Variants in SORL1 observed in about 807,000 individuals in gnomAD.
SORL1 encodes sortilin related receptor 1, also known as sortilin-related receptor.
A neutral mutation model predicts 273.7 loss-of-function variants in SORL1; 127 were observed. The observed-to-expected ratio is 0.46, with a 90% CI of 0.40 to 0.54. The LOEUF is 0.54. SORL1 is among the 20% of genes least tolerant of loss of function. The pLI is 0.00. For synonymous variants in SORL1, 1,031 were observed against 1,067.4 expected (o/e 0.97, Z 0.66); for missense variants, 2,494 against 2,846.1 (o/e 0.88, Z 2.81).
intron 3 of SORL1, 54 bp from the exon 4 acceptor site, chr11:121,487,978 T>C: frequency 3.8e-6 from 6 of 1,592,056 alleles, no homozygotes; most frequent in South Asian, 1.1e-5. Context: ...TTTAGGGGAG[T>C]GTTGGGCAGC....
chr11:121,543,997 T>C (rs1862386522), intron 13 of SORL1, among the ~76,000 whole-genome samples: 1 of 152,178 alleles, frequency 6.6e-6, no homozygotes. Context: ...AATATGTAGA[T>C]AAATGCATGA....
At chr11:121,555,360 G>T (rs768993348) in intron 18 of SORL1, 42 bp downstream of exon 18, 1 of 1,606,236 alleles carries the variant, frequency 6.2e-7, no homozygotes, top group South Asian at 1.1e-5. Context: ...GGGAGCAGGC[G>T]GGGCACCTGG....
chr11:121,600,507 A>T (rs1250067459), intron 32 of SORL1, among the ~76,000 whole-genome samples: 2 of 152,216 alleles, frequency 1.3e-5, no homozygotes, highest in African/African-American at 4.8e-5. Context: ...GCAACCACAT[A>T]ATAAGATGAA....
intron 39 of SORL1, 38 bp from the exon 40 acceptor site, chr11:121,612,698 C>T: frequency 6.9e-7 from 1 of 1,456,440 alleles, no homozygotes; most frequent in Non-Finnish European, 9.6e-7. Flanking sequence ...TGCCCCATGA[C>T]TAGCTGTTCA....
intron 5 of SORL1, among the ~76,000 whole-genome samples, chr11:121,490,830 A>G (rs115177221): frequency 6.6e-6 from 1 of 152,146 alleles, no homozygotes; most frequent in Non-Finnish European, 1.5e-5. Flanking sequence ...TCTTAAGGGT[A>G]TAAGAAATTG....
chr11:121,601,681 G>C (rs940824226), intron 32 of SORL1, among the ~76,000 whole-genome samples: 1 of 151,078 alleles, frequency 6.6e-6, no homozygotes, highest in Non-Finnish European at 1.5e-5. Flanking sequence ...CTCCCAAGTA[G>C]CTGGGATTAC....
At chr11:121,624,174 T>G (rs988675827) in intron 45 of SORL1, among the ~76,000 whole-genome samples, 2 of 152,158 alleles carry the variant, frequency 1.3e-5, no homozygotes, top group African/African-American at 4.8e-5. Flanking sequence ...GAGCTAGAAT[T>G]CAAGATGAGA....
intron 2 of SORL1, 101 bp downstream of exon 2, chr11:121,470,224 A>G: frequency 1.3e-6 from 1 of 784,632 alleles, no homozygotes; most frequent in Non-Finnish European, 2.3e-6. Flanking sequence ...GGTAATTGGA[A>G]CATGGAATGG....
intron 38 of SORL1, chr11:121,609,604 T>C (rs1336453888): frequency 6.6e-6 from 1 of 152,252 alleles, no homozygotes; most frequent in Admixed American, 6.5e-5. Context: ...GGCTAGGATT[T>C]GTACAGAAGG....
At chr11:121,535,183 T>G (rs1465992189) in intron 12 of SORL1, among the ~76,000 whole-genome samples, 2 of 152,144 alleles carry the variant, frequency 1.3e-5, no homozygotes, top group African/African-American at 4.8e-5. Flanking sequence ...CTGTGCTCCA[T>G]GTCAATGACA....
At chr11:121,533,818 A>C (rs145699986) in intron 12 of SORL1, among the ~76,000 whole-genome samples, 1 of 152,246 alleles carries the variant, frequency 6.6e-6, no homozygotes, top group Non-Finnish European at 1.5e-5. Context: ...GGTGTTTGGC[A>C]TTCCACCTGG....
chr11:121,621,458 C>A (rs553281639), intron 44 of SORL1, among the ~76,000 whole-genome samples: 288 of 152,272 alleles, frequency 1.9e-3, no homozygotes, highest in African/African-American at 6.6e-3. Context: ...CTATCGTTTT[C>A]TTTATTTTCT....
At chr11:121,501,227 A>G (rs1490197360) in intron 6 of SORL1, among the ~76,000 whole-genome samples, 2 of 152,258 alleles carry the variant, frequency 1.3e-5, no homozygotes, top group African/African-American at 2.4e-5. Flanking sequence ...GTGTTGAGAT[A>G]CAATTCACAT....
chr11:121,517,697 C>T (rs534676452), intron 8 of SORL1, among the ~76,000 whole-genome samples: 3 of 152,164 alleles, frequency 2.0e-5, no homozygotes, highest in East Asian at 1.9e-4. Flanking sequence ...CTTGCCTGAG[C>T]GCACAGTCCA....
chr11:121,611,225 A>T, intron 39 of SORL1, 67 bp downstream of exon 39: 1 of 1,096,316 alleles, frequency 9.1e-7, no homozygotes, highest in Non-Finnish European at 1.4e-6. Flanking sequence ...GAAAGGACAT[A>T]GCACAGTAAG....
intron 12 of SORL1, among the ~76,000 whole-genome samples, chr11:121,533,827 G>T (rs1476642155): frequency 6.6e-6 from 1 of 152,094 alleles, no homozygotes; most frequent in African/African-American, 2.4e-5. Flanking sequence ...CATTCCACCT[G>T]GCTGTTCTCT....
At chr11:121,468,216 A>T (rs1861115090) in intron 1 of SORL1, among the ~76,000 whole-genome samples, 1 of 151,952 alleles carries the variant, frequency 6.6e-6, no homozygotes, top group Non-Finnish European at 1.5e-5. Flanking sequence ...CCAGGCTTGA[A>T]CTGTCATCAG....
intron 1 of SORL1, among the ~76,000 whole-genome samples, chr11:121,465,986 C>G (rs560521912): frequency 1.3e-5 from 2 of 152,218 alleles, no homozygotes; most frequent in South Asian, 4.1e-4. Flanking sequence ...GAGGAGTTAT[C>G]TTGACTCTTA....
At chr11:121,512,955 G>A in intron 6 of SORL1, 48 bp from the exon 7 acceptor site, 1 of 1,251,968 alleles carries the variant, frequency 8.0e-7, no homozygotes, top group Non-Finnish European at 1.2e-6. Context: ...GCTTTTGAAT[G>A]ACTGTAATGT....
Sources: allele counts gnomAD v4.1 joint callset (sites outside exome capture counted in the v4.1 genomes callset), GRCh38; gene constraint gnomAD v4.1.1; transcripts MANE v1.5; gene names NCBI Gene and HGNC (gene_info 2026-07-23, HGNC 2026-07-21).